SARDH: variants seen among roughly 807,000 people sequenced by gnomAD.
The protein encoded by SARDH is sarcosine dehydrogenase, also known as sarcosine dehydrogenase, mitochondrial.
A neutral mutation model predicts 109.1 loss-of-function variants in SARDH; 95 were observed. That is an observed-to-expected ratio of 0.87 (90% CI 0.74 to 1.03). SARDH has a LOEUF of 1.03. Among genes scored for constraint, SARDH ranks in the 50% least tolerant of loss-of-function variants. SARDH has a pLI of 0.00. For synonymous variants in SARDH, 572 were observed against 534.8 expected (o/e 1.07, Z -0.96); for missense variants, 1,267 against 1,287.8 (o/e 0.98, Z 0.25).
intron 20 of SARDH, among the ~76,000 whole-genome samples, chr9:133,665,817 G>A (rs898750653): frequency 2.6e-5 from 4 of 152,160 alleles, no homozygotes; most frequent in South Asian, 2.1e-4. Context: ...CCAAGTGCTC[G>A]CTCCCTCCCC....
chr9:133,706,552 G>A (rs1289935509), intron 11 of SARDH, among the ~76,000 whole-genome samples: 1 of 152,202 alleles, frequency 6.6e-6, no homozygotes, highest in African/African-American at 2.4e-5. Context: ...GCACTGCAAA[G>A]GCACTTAATG....
intron 19 of SARDH, 134 bp downstream of exon 19, chr9:133,670,450 G>A: frequency 1.0e-6 from 1 of 964,232 alleles, no homozygotes; most frequent in South Asian, 1.7e-5. Flanking sequence ...GCTGTTGGGT[G>A]CGTTCTGGAA....
chr9:133,685,907 C>A (rs1442145346), intron 16 of SARDH, among the ~76,000 whole-genome samples: 2 of 152,190 alleles, frequency 1.3e-5, no homozygotes, highest in Non-Finnish European at 2.9e-5. Flanking sequence ...TCCAACTGGG[C>A]ACCTCGGCCC....
intron 17 of SARDH, among the ~76,000 whole-genome samples, chr9:133,676,708 C>CG (rs910199881): frequency 1.6e-4 from 25 of 152,174 alleles, no homozygotes; most frequent in African/African-American, 5.1e-4. Flanking sequence ...CCAGAGAGAC[C>CG]GGGGGGAAAG....
At chr9:133,667,479 T>C (rs186850366) in intron 19 of SARDH, among the ~76,000 whole-genome samples, 5 of 152,204 alleles carry the variant, frequency 3.3e-5, no homozygotes, top group Admixed American at 2.0e-4. Context: ...TTCATTTTTT[T>C]TATAGTACAA....
intron 1 of SARDH, among the ~76,000 whole-genome samples, chr9:133,734,821 G>A (rs1223958206): frequency 1.3e-5 from 2 of 152,194 alleles, no homozygotes; most frequent in East Asian, 1.9e-4. Context: ...GGGGCTGGGC[G>A]GGGGCCGTCC....
At chr9:133,676,372 T>C (rs535729888) in intron 17 of SARDH, among the ~76,000 whole-genome samples, 1 of 152,206 alleles carries the variant, frequency 6.6e-6, no homozygotes, top group East Asian at 1.9e-4. Context: ...GGAAAGGGAA[T>C]TGCCTCAATG....
intron 17 of SARDH, among the ~76,000 whole-genome samples, chr9:133,674,532 C>T (rs768727904): frequency 7.9e-5 from 12 of 152,184 alleles, no homozygotes; most frequent in Non-Finnish European, 1.3e-4. Context: ...GCCAAAAAAG[C>T]CTGCTGAAAC....
At chr9:133,735,054 G>C (rs1334278026) in intron 1 of SARDH, among the ~76,000 whole-genome samples, 1 of 152,166 alleles carries the variant, frequency 6.6e-6, no homozygotes, top group Non-Finnish European at 1.5e-5. Flanking sequence ...AGAGAGCCAG[G>C]AGGAGGGAGA....
intron 20 of SARDH, among the ~76,000 whole-genome samples, chr9:133,664,289 C>A (rs1829981872): frequency 6.6e-6 from 1 of 152,206 alleles, no homozygotes. Context: ...ACCTCCCACC[C>A]CAGCAATTCC....
At chr9:133,698,769 T>C (rs1330570709) in intron 13 of SARDH, among the ~76,000 whole-genome samples, 1 of 152,108 alleles carries the variant, frequency 6.6e-6, no homozygotes, top group African/African-American at 2.4e-5. Flanking sequence ...GCAAAAAAAA[T>C]TAATTTTCAT....
rs1832576243 is a variant in SARDH, at chr9:133,728,797, A to G, written c.915+968T>C. ...TCAATGGAATGTGAATGGTTGGATT[A>G]ATATGTGGGTGGATGCTGAAGGAAG... On this transcript the variant is annotated intron_variant, in intron 6 of 20. Transcript: ENST00000439388. The surrounding 1 kb of genome is among the most constrained non-coding windows in gnomAD (Gnocchi z 5.0). Among the ~76,000 whole-genome samples, 1 of 151,996 alleles carries G rather than the reference A, an allele frequency of 6.6e-6. No individual in the cohort carries two copies. Among genetic ancestry groups the G allele is most frequent in the Non-Finnish European group, 1.5e-5 (1 of 67,984 alleles).
rs539600960 is a variant in SARDH, at chr9:133,672,162, C to T, written c.2164-465G>A. ...TCCCGAGCACCTCCCGAGCACCTCC[C>T]GGCACCCCTTGGCTTGTGGCTGCAC... On this transcript the variant is annotated intron_variant, in intron 17 of 20. Coordinates refer to ENST00000439388, the MANE Select transcript of SARDH (RefSeq NM_001134707.2). Among the ~76,000 whole-genome samples the T allele has an allele frequency of 6.6e-5, 10 of 152,298 alleles. No homozygotes were observed. In the East Asian group the frequency reaches 7.7e-4, roughly 12 times the overall value.
intron 1 of SARDH, 114 bp downstream of exon 1, chr9:133,738,139 TG>T (rs1181289392): frequency 6.6e-6 from 1 of 152,362 alleles, no homozygotes; most frequent in Non-Finnish European, 1.5e-5. Context: ...TGCAGCTGGA[TG>T]GTCCCTGCAG....
chr9:133,691,253 C>A (rs1005538227), intron 15 of SARDH, among the ~76,000 whole-genome samples: 2 of 152,288 alleles, frequency 1.3e-5, no homozygotes, highest in Middle Eastern at 6.8e-3. Flanking sequence ...GTGGCCCCCC[C>A]AGTCTGCAGC....
In SARDH at chr9:133,685,232, C is replaced by T. The variant is rs770497060; in HGVS notation, c.2124G>A (p.Pro708=). 14 of 1,613,806 alleles carry T rather than the reference C, an allele frequency of 8.7e-6. No homozygotes were observed. The highest frequency in any genetic ancestry group is 2.7e-5 in the African/African-American group (2 of 74,890). ...CTCTCAGTAGCTTGTGGGTGGAGAACGGGAAGGCCTCGTTGCTCAGGTCTG... is the reference window on the plus strand; with the variant it reads ...CTCTCAGTAGCTTGTGGGTGGAGAATGGGAAGGCCTCGTTGCTCAGGTCTG... The part of the protein sequence containing the change: ...LDADLSNEAF[P]FSTHKLLRAA... Residue 708 remains proline (P), a synonymous_variant, in exon 17 of 21, where the codon CCG becomes CCA. Transcript: ENST00000439388.
chr9:133,708,075 G>A (rs969645379), intron 11 of SARDH, among the ~76,000 whole-genome samples: 3 of 152,138 alleles, frequency 2.0e-5, no homozygotes, highest in Non-Finnish European at 4.4e-5. Context: ...GGGTGGGAGG[G>A]AGCCATTTCC....
At chr9:133,726,913 C>T (rs896082247) in intron 6 of SARDH, among the ~76,000 whole-genome samples, 2 of 152,204 alleles carry the variant, frequency 1.3e-5, no homozygotes, top group African/African-American at 4.8e-5. Flanking sequence ...TCACTCTGTC[C>T]TTCCTGCAGC....
chr9:133,663,709 A>G lies in SARDH; in HGVS notation c.*180T>C. The stretch of plus-strand genomic sequence containing the variant: ...AGAGACTGCCTTCCAGTCAGTGACC[A>G]CAGGATGGGCCATCTTGGTCTCTGT... On this transcript the variant is annotated 3_prime_UTR_variant, in exon 21 of 21. Coordinates refer to ENST00000439388, the MANE Select transcript of SARDH (RefSeq NM_001134707.2). The G allele has an allele frequency of 1.2e-6, 1 of 818,496 alleles. No individual in the cohort carries two copies. The highest frequency in any genetic ancestry group is 2.0e-6 in the Non-Finnish European group (1 of 510,456). 50.7% of individuals were successfully genotyped at this position (818,496 alleles called of 1,614,324 possible).
Sources: gnomAD v4.1 joint callset for allele counts (sites outside exome capture counted in the v4.1 genomes callset) on GRCh38, gnomAD v4.1.1 for gene constraint, Gnocchi (gnomAD v3.1) non-coding constraint, MANE v1.5 for transcripts, NCBI Gene and HGNC (gene_info 2026-07-23, HGNC 2026-07-21) for gene names.